Variants in TAFA1 observed in about 807,000 individuals in gnomAD.
TAFA1 encodes TAFA chemokine like family member 1.
A neutral mutation model predicts 18.5 loss-of-function variants in TAFA1; 4 were observed. The observed-to-expected ratio is 0.22, with a 90% CI of 0.11 to 0.49. The LOEUF (loss-of-function observed/expected upper bound fraction) is 0.49, where lower values mean the gene tolerates loss of function less well. TAFA1 is among the 20% of genes least tolerant of loss of function. The probability of loss-of-function intolerance (pLI) is 0.98; values close to 1 mark genes in which losing one functional copy is unlikely to be tolerated. For missense variants in TAFA1, 147 were observed against 169.0 expected, an observed-to-expected ratio of 0.87 and a Z score of 0.72; for synonymous variants, 56 against 55.2, an observed-to-expected ratio of 1.01 and a Z score of -0.06.
intron 2 of TAFA1, among the ~76,000 whole-genome samples, chr3:68,401,784 G>A (rs1445241857): frequency 6.6e-6 from 1 of 152,108 alleles, no homozygotes; most frequent in African/African-American, 2.4e-5. Context: ...CTCTCTTGGA[G>A]CAGGGGGTGA....
intron 3 of TAFA1, among the ~76,000 whole-genome samples, chr3:68,502,610 G>A (rs1398831025): frequency 3.1e-5 from 2 of 65,390 alleles, no homozygotes; most frequent in African/African-American, 6.6e-5. Flanking sequence ...AGTTATTTCA[G>A]AGAGGACCCA....
At position 68,256,916 on chromosome 3, in the gene TAFA1, C is replaced by T. The variant is rs184362696; in HGVS notation, c.119-160364C>T. Among the ~76,000 whole-genome samples the T allele has an allele frequency of 4.6e-5, 7 of 152,196 alleles. No homozygotes were observed. The East Asian group carries it at 9.7e-4, about 21-fold the overall frequency. ...TGCCCCCTCCAGTCTCTTTTCCACACGGCAGCCAATATCATTTCTTATGAT... is the reference window on the plus strand; with the variant it reads ...TGCCCCCTCCAGTCTCTTTTCCACATGGCAGCCAATATCATTTCTTATGAT... On this transcript the variant is annotated intron_variant, in intron 2 of 4. Coordinates refer to ENST00000478136, the MANE Select transcript of TAFA1 (RefSeq NM_213609.4).
intron 3 of TAFA1, among the ~76,000 whole-genome samples, chr3:68,508,099 C>T (rs916015701): frequency 6.6e-6 from 1 of 152,082 alleles, no homozygotes. Context: ...CTCTTCTTGG[C>T]TTGCAGATGT....
At chr3:68,098,641 G>A (rs554144803) in intron 2 of TAFA1, among the ~76,000 whole-genome samples, 1 of 152,058 alleles carries the variant, frequency 6.6e-6, no homozygotes, top group African/African-American at 2.4e-5. Context: ...TCCAATGAAG[G>A]GTAGTAAGTG....
chr3:68,271,429 C>T (rs1037979350), intron 2 of TAFA1, among the ~76,000 whole-genome samples: 7 of 152,136 alleles, frequency 4.6e-5, no homozygotes, highest in African/African-American at 1.7e-4. Context: ...ATCAGCCCCA[C>T]TCAACCCACG....
intron 3 of TAFA1, among the ~76,000 whole-genome samples, chr3:68,444,071 A>G (rs1031056146): frequency 1.3e-5 from 2 of 152,138 alleles, no homozygotes; most frequent in African/African-American, 4.8e-5. Context: ...CTGTCTCTAC[A>G]GCCTCGACAG....
At chr3:68,364,203 A>G (rs1271414955) in intron 2 of TAFA1, among the ~76,000 whole-genome samples, 1 of 152,206 alleles carries the variant, frequency 6.6e-6, no homozygotes, top group East Asian at 1.9e-4. Context: ...ACAGAAGGAT[A>G]TAGCTCTCAG....
chr3:68,041,057 A>G (rs970943147), intron 2 of TAFA1, among the ~76,000 whole-genome samples: 5 of 152,328 alleles, frequency 3.3e-5, no homozygotes, highest in African/African-American at 1.2e-4. Context: ...AACATCAAAG[A>G]TTATTGCAAA....
At chr3:68,079,918 A>T (rs2064874949) in intron 2 of TAFA1, among the ~76,000 whole-genome samples, 1 of 151,808 alleles carries the variant, frequency 6.6e-6, no homozygotes, top group South Asian at 2.1e-4. Context: ...TGGGGTGTTA[A>T]AGTCTCCCAT....
At chr3:68,355,569 C>G (rs758419666) in intron 2 of TAFA1, among the ~76,000 whole-genome samples, 6 of 151,888 alleles carry the variant, frequency 4.0e-5, no homozygotes, top group Non-Finnish European at 5.9e-5. Context: ...TAGCATCACC[C>G]CAGTGTTTTA....
chr3:68,370,842 G>C (rs1009226393), intron 2 of TAFA1, among the ~76,000 whole-genome samples: 5 of 147,866 alleles, frequency 3.4e-5, no homozygotes, highest in Non-Finnish European at 7.4e-5. Flanking sequence ...GGGAGTGCCA[G>C]GGAATAATCT....
intron 3 of TAFA1, among the ~76,000 whole-genome samples, chr3:68,430,282 C>T (rs2071144185): frequency 6.6e-6 from 1 of 151,834 alleles, no homozygotes; most frequent in Non-Finnish European, 1.5e-5. Context: ...GCATTGCAGG[C>T]ATAGAAGAGA....
At chr3:68,456,154 CTTG>C (rs1208573901) in intron 3 of TAFA1, among the ~76,000 whole-genome samples, 4 of 152,136 alleles carry the variant, frequency 2.6e-5, no homozygotes, top group Non-Finnish European at 5.9e-5. Flanking sequence ...AAAAAGGATT[CTTG>C]TTGTGCAGGC....
At chr3:68,538,973 A>G (rs2073320872) in intron 4 of TAFA1, 93 bp downstream of exon 4, 3 of 1,320,090 alleles carry the variant, frequency 2.3e-6, no homozygotes, top group African/African-American at 1.5e-5. Flanking sequence ...AGCTTTGCAC[A>G]GGAGAGAAGA....
chr3:68,124,900 G>A (rs1213266094), intron 2 of TAFA1, among the ~76,000 whole-genome samples: 1 of 152,188 alleles, frequency 6.6e-6, no homozygotes, highest in Non-Finnish European at 1.5e-5. Context: ...GTAAAAATAA[G>A]GGGAGGCAGG....
intron 2 of TAFA1, among the ~76,000 whole-genome samples, chr3:68,351,561 A>G (rs982657875): frequency 2.0e-5 from 3 of 152,100 alleles, no homozygotes; most frequent in Non-Finnish European, 4.4e-5. Flanking sequence ...CACTCGGAGT[A>G]GCTCTCTAAG....
Position 68,013,622 on chromosome 3 carries a change from CT to C in TAFA1, c.118+6881del, listed in dbSNP as rs202174443. Among the ~76,000 whole-genome samples the C allele has an allele frequency of 7.5e-3, 1,139 of 152,230 alleles. 15 individuals are homozygous for C. Among genetic ancestry groups the C allele is most frequent in the African/African-American group, 0.026 (1,076 of 41,538 alleles). ...CTTTTGATATCAAGAGAAAAAGTCA[CT>C]TTGCCTTTGTAGCAGAGAGAAAATA... On this transcript the variant is annotated intron_variant, in intron 2 of 4. Transcript: ENST00000478136.
chr3:68,204,958 T>G (rs768910046), intron 2 of TAFA1, among the ~76,000 whole-genome samples: 28 of 151,880 alleles, frequency 1.8e-4, no homozygotes, highest in Non-Finnish European at 3.4e-4. Context: ...TATTCCCATT[T>G]AGTAAATCAT....
intron 2 of TAFA1, among the ~76,000 whole-genome samples, chr3:68,235,159 G>A (rs994988197): frequency 6.6e-6 from 1 of 152,098 alleles, no homozygotes; most frequent in Non-Finnish European, 1.5e-5. Context: ...CTCACATATG[G>A]CAACTTTGTG....
Sources: gnomAD v4.1 joint callset for allele counts (sites outside exome capture counted in the v4.1 genomes callset) on GRCh38, gnomAD v4.1.1 for gene constraint, MANE v1.5 for transcripts, NCBI Gene and HGNC (gene_info 2026-07-23, HGNC 2026-07-21) for gene names.